Variants in IGSF21 observed in about 807,000 individuals in gnomAD.
The protein encoded by IGSF21 is immunoglobulin superfamily member 21.
In IGSF21, 28 loss-of-function variants were observed where a neutral mutation model predicts 46.8. That is an observed-to-expected ratio of 0.60 (90% CI 0.44 to 0.82). The LOEUF (loss-of-function observed/expected upper bound fraction) is 0.82, where lower values mean the gene tolerates loss of function less well. Among genes scored for constraint, IGSF21 ranks in the 40% least tolerant of loss-of-function variants. The pLI, the probability that IGSF21 is intolerant of heterozygous loss-of-function variation, is 0.00. For synonymous variants in IGSF21, 284 were observed against 273.6 expected, an observed-to-expected ratio of 1.04 and a Z score of -0.38; for missense variants, 624 against 665.5, an observed-to-expected ratio of 0.94 and a Z score of 0.69.
intron 1 of IGSF21, among the ~76,000 whole-genome samples, chr1:18,218,142 G>A (rs2124497157): frequency 2.0e-5 from 3 of 152,308 alleles, no homozygotes; most frequent in Middle Eastern, 6.8e-3. Flanking sequence ...AGGCTGTACA[G>A]GAAGCATGGC....
chr1:18,366,835 C>T (rs2086169877), intron 6 of IGSF21, among the ~76,000 whole-genome samples: 1 of 152,168 alleles, frequency 6.6e-6, no homozygotes, highest in South Asian at 2.1e-4. Flanking sequence ...CAAAGCAGTT[C>T]CCTGGTAACT....
At chr1:18,254,225 G>C (rs1316330711) in intron 2 of IGSF21, among the ~76,000 whole-genome samples, 1 of 149,180 alleles carries the variant, frequency 6.7e-6, no homozygotes, top group Non-Finnish European at 1.5e-5. Flanking sequence ...AGTGAGAGAT[G>C]AGTTGGGGAG....
chr1:18,375,446 C>G (rs1421987669), intron 6 of IGSF21, among the ~76,000 whole-genome samples: 4 of 152,214 alleles, frequency 2.6e-5, no homozygotes, highest in Admixed American at 6.5e-5. Flanking sequence ...ATGAAGGGAA[C>G]AGACCCAATG....
At chr1:18,236,764 T>C (rs12037812) in intron 2 of IGSF21, among the ~76,000 whole-genome samples, 32,490 of 151,970 alleles carry the variant, frequency 0.21, 3,943 homozygotes, top group East Asian at 0.27. Context: ...GAAAAGAAAG[T>C]GGTTTCAGAA....
chr1:18,192,868 A>C (rs754508588), intron 1 of IGSF21, among the ~76,000 whole-genome samples: 4 of 152,152 alleles, frequency 2.6e-5, no homozygotes, highest in South Asian at 2.1e-4. Context: ...CATAAAATGC[A>C]GTGGGCCGAT....
intron 4 of IGSF21, among the ~76,000 whole-genome samples, chr1:18,341,414 C>G (rs1305212197): frequency 1.3e-5 from 2 of 152,150 alleles, no homozygotes; most frequent in Non-Finnish European, 2.9e-5. Flanking sequence ...AACACATCAT[C>G]TTCAGGGACA....
intron 4 of IGSF21, among the ~76,000 whole-genome samples, chr1:18,341,327 A>G (rs753046471): frequency 6.6e-6 from 1 of 152,050 alleles, no homozygotes; most frequent in East Asian, 1.9e-4. Flanking sequence ...GTGTGACCTC[A>G]TCTTACCTTT....
intron 1 of IGSF21, among the ~76,000 whole-genome samples, chr1:18,172,692 C>T (rs1052261146): frequency 1.3e-5 from 2 of 152,230 alleles, no homozygotes; most frequent in Admixed American, 1.3e-4. Context: ...AAACCCCTAC[C>T]TGCAAATGCA....
At position 18,290,914 on chromosome 1, in the gene IGSF21, C is replaced by T. The variant is rs897509409; in HGVS notation, c.184-952C>T. On this transcript the variant is annotated intron_variant, in intron 2 of 9. Transcript: ENST00000251296. The surrounding 1 kb of genome is among the most constrained non-coding windows in gnomAD (Gnocchi z 4.2). ...TTCTCTAGGCCCAGGCATGAGGCCTCCCCATTGCAGGCTGTTAGCGCAGAG... is the reference window on the plus strand; with the variant it reads ...TTCTCTAGGCCCAGGCATGAGGCCTTCCCATTGCAGGCTGTTAGCGCAGAG... 2.6e-5 allele frequency among the ~76,000 whole-genome samples: 4 copies of T among 152,120 alleles called. No individual in the cohort carries two copies. The highest frequency in any genetic ancestry group is 6.5e-5 in the Admixed American group (1 of 15,268).
Position 18,297,213 on chromosome 1 carries a change from A to G in IGSF21, c.305+5226A>G, listed in dbSNP as rs536213218. 3.4e-4 allele frequency among the ~76,000 whole-genome samples: 52 copies of G among 152,188 alleles called. No individual in the cohort carries two copies. In the South Asian group the frequency reaches 1.0e-2, roughly 29 times the overall value. ...CCCAGGACAGCACCCAACCCTGGGC[A>G]TGTGGTAGATGATTTGTAAATATCT... On this transcript the variant is annotated intron_variant, in intron 3 of 9. Coordinates refer to ENST00000251296, the MANE Select transcript of IGSF21 (RefSeq NM_032880.5).
chr1:18,162,515 A>ACTGATACC (rs538856400), intron 1 of IGSF21, among the ~76,000 whole-genome samples: 163 of 152,274 alleles, frequency 1.1e-3, no homozygotes, highest in African/African-American at 3.8e-3. Flanking sequence ...ACAGTGATAC[A>ACTGATACC]CTGATACCCT....
At chr1:18,149,573 A>C (rs1381512665) in intron 1 of IGSF21, among the ~76,000 whole-genome samples, 1 of 151,836 alleles carries the variant, frequency 6.6e-6, no homozygotes, top group Admixed American at 6.6e-5. Context: ...CCGCTCAGCT[A>C]AATGGCTGAG....
rs2085061778 is a variant in IGSF21 at position 18,273,331 on chromosome 1, A to ATTCATTTCCTTTCCTTTCCTTTCCT, written c.184-18532_184-18531insATTTCCTTTCCTTTCCTTTCCTTTC. On this transcript the variant is annotated intron_variant, in intron 2 of 9. Coordinates refer to ENST00000251296, the MANE Select transcript of IGSF21 (RefSeq NM_032880.5). ...ACTGGGATTACAGGCATGAGCCACC[A>ATTCATTTCCTTTCCTTTCCTTTCCT]TTCCTTTCCTTTCCTTTCCTTTCCT... Among the ~76,000 whole-genome samples the ATTCATTTCCTTTCCTTTCCTTTCCT allele has an allele frequency of 1.2e-3, 65 of 54,148 alleles. 1 individual carries two copies. The highest frequency in any genetic ancestry group is 4.1e-3 in the African/African-American group (56 of 13,766). 35.5% of individuals were successfully genotyped at this position (54,148 alleles called of 152,430 possible).
intron 1 of IGSF21, among the ~76,000 whole-genome samples, chr1:18,141,000 A>G (rs996674128): frequency 6.6e-6 from 1 of 152,176 alleles, no homozygotes; most frequent in African/African-American, 2.4e-5. Context: ...AACGTGGCAC[A>G]ATGAGGGCTT....
At chr1:18,313,130 G>A (rs941203777) in intron 3 of IGSF21, among the ~76,000 whole-genome samples, 5 of 152,138 alleles carry the variant, frequency 3.3e-5, no homozygotes, top group Admixed American at 6.5e-5. Context: ...GTGCATGACC[G>A]GTGAGGACAG....
At chr1:18,348,586 G>T (rs1256936917) in intron 4 of IGSF21, among the ~76,000 whole-genome samples, 1 of 152,218 alleles carries the variant, frequency 6.6e-6, no homozygotes, top group African/African-American at 2.4e-5. Context: ...TGTTGAAACT[G>T]CAGTGCCTCG....
At chr1:18,311,464 G>A (rs1360101079) in intron 3 of IGSF21, among the ~76,000 whole-genome samples, 1 of 152,188 alleles carries the variant, frequency 6.6e-6, no homozygotes, top group Non-Finnish European at 1.5e-5. Context: ...AGTGAAGGCT[G>A]CAGGCTCTGG....
chr1:18,218,626 T>C (rs997922581), intron 1 of IGSF21, among the ~76,000 whole-genome samples: 17 of 152,074 alleles, frequency 1.1e-4, no homozygotes, highest in African/African-American at 4.1e-4. Context: ...TGAAGATAAA[T>C]AAAACCTACA....
At chr1:18,156,070 G>GCACC in intron 1 of IGSF21, among the ~76,000 whole-genome samples, 1 of 152,318 alleles carries the variant, frequency 6.6e-6, no homozygotes. Flanking sequence ...GTGGGCCAGG[G>GCACC]CACCTCTCAC....
Sources: gnomAD v4.1 joint callset for allele counts (sites outside exome capture counted in the v4.1 genomes callset) on GRCh38, gnomAD v4.1.1 for gene constraint, Gnocchi (gnomAD v3.1) non-coding constraint, MANE v1.5 for transcripts, NCBI Gene and HGNC (gene_info 2026-07-23, HGNC 2026-07-21) for gene names.